The following SGPP2 variants were observed in gnomAD, a reference collection of about 807,000 sequenced individuals.
SGPP2 encodes sphingosine-1-phosphate phosphatase 2.
SGPP2 carries 30 observed loss-of-function variants against 33.9 expected under a neutral mutation model. That is an observed-to-expected ratio of 0.89 (90% CI 0.66 to 1.20). The LOEUF (loss-of-function observed/expected upper bound fraction) is 1.20. Ranked by LOEUF, SGPP2 falls within the 50% of genes most tolerant of loss-of-function variation. The probability of loss-of-function intolerance (pLI) is 0.00; values close to 1 mark genes in which losing one functional copy is unlikely to be tolerated. For missense variants in SGPP2, 458 were observed against 532.1 expected, an observed-to-expected ratio of 0.86 and a Z score of 1.37; for synonymous variants, 233 against 225.0, an observed-to-expected ratio of 1.04 and a Z score of -0.32.
intron 1 of SGPP2, among the ~76,000 whole-genome samples, chr2:222,442,676 G>C (rs1482009567): frequency 6.6e-6 from 1 of 152,186 alleles, no homozygotes; most frequent in Non-Finnish European, 1.5e-5. Flanking sequence ...TTTTGGCTAA[G>C]AATCTAAAAT....
chr2:222,535,055 G>A (rs763891057), intron 4 of SGPP2, among the ~76,000 whole-genome samples: 10 of 152,050 alleles, frequency 6.6e-5, no homozygotes, highest in Non-Finnish European at 1.2e-4. Flanking sequence ...CTTTCCCAAC[G>A]CTGTTCAAAA....
At chr2:222,547,288 C>T (rs1418625513) in intron 4 of SGPP2, among the ~76,000 whole-genome samples, 6 of 152,180 alleles carry the variant, frequency 3.9e-5, no homozygotes, top group East Asian at 1.9e-4. Flanking sequence ...TTGTCATTCT[C>T]GCAAGCTGCT....
chr2:222,561,496 G>T lies in SGPP2; in HGVS notation c.*2598G>T, dbSNP rs1051907627. On this transcript the variant is annotated 3_prime_UTR_variant, in exon 5 of 5. Coordinates refer to ENST00000321276, the MANE Select transcript of SGPP2 (RefSeq NM_152386.4). ...GATTGTGATCATTGTCACAGAGTGG[G>T]TGCTGGCCTCTCATATATATGATAT... Among the ~76,000 whole-genome samples, 15 of 149,866 alleles carry T rather than the reference G, an allele frequency of 1.0e-4. No homozygotes were observed. The highest frequency in any genetic ancestry group is 1.9e-4 in the Non-Finnish European group (13 of 67,636).
Position 222,485,355 on chromosome 2 carries a change from C to T in SGPP2, c.378+10629C>T, listed in dbSNP as rs574017816. ...AGTTCTCCATGCCTTGGTACTGGTG[C>T]GTCCCCTTCCCACCCCCGCATTTGA... On this transcript the variant is annotated intron_variant, in intron 2 of 4. Coordinates refer to ENST00000321276, the MANE Select transcript of SGPP2 (RefSeq NM_152386.4). 5.9e-5 allele frequency among the ~76,000 whole-genome samples: 9 copies of T among 152,300 alleles called. No homozygotes were observed. In the South Asian group the frequency reaches 8.3e-4, roughly 14 times the overall value.
At chr2:222,549,257 C>T (rs532010664) in intron 4 of SGPP2, among the ~76,000 whole-genome samples, 1 of 152,364 alleles carries the variant, frequency 6.6e-6, no homozygotes, top group South Asian at 2.1e-4. Flanking sequence ...CTTTCTTTCT[C>T]ACTAGCGCTA....
Position 222,508,318 on chromosome 2 carries a change from C to T in SGPP2, c.379-13449C>T, listed in dbSNP as rs146803828. 4.5e-3 allele frequency among the ~76,000 whole-genome samples: 691 copies of T among 152,246 alleles called. 5 individuals are homozygous for T. Among genetic ancestry groups the T allele is most frequent in the African/African-American group, 0.014 (596 of 41,548 alleles). ...GGTAGTGAGTTTGTGAGATGCTAGACGGCGTGGTGTGGTGAAACAATGATA... is the reference window on the plus strand; with the variant it reads ...GGTAGTGAGTTTGTGAGATGCTAGATGGCGTGGTGTGGTGAAACAATGATA... On this transcript the variant is annotated intron_variant, in intron 2 of 4. Coordinates refer to ENST00000321276, the MANE Select transcript of SGPP2 (RefSeq NM_152386.4).
chr2:222,445,000 C>T (rs1228089778), intron 1 of SGPP2, among the ~76,000 whole-genome samples: 1 of 152,166 alleles, frequency 6.6e-6, no homozygotes, highest in African/African-American at 2.4e-5. Context: ...CAGACCCCGA[C>T]CCAGGAGACA....
chr2:222,485,192 C>CGAG (rs1238258738), intron 2 of SGPP2, among the ~76,000 whole-genome samples: 14 of 152,224 alleles, frequency 9.2e-5, no homozygotes, highest in African/African-American at 3.4e-4. Context: ...AAACTTTACT[C>CGAG]TTCTCCCCAG....
At chr2:222,490,752 G>A (rs1213329044) in intron 2 of SGPP2, among the ~76,000 whole-genome samples, 1 of 151,932 alleles carries the variant, frequency 6.6e-6, no homozygotes, top group African/African-American at 2.4e-5. Context: ...GCAGTTATGT[G>A]CATTTGAACA....
At chr2:222,511,353 G>C (rs2106125526) in intron 2 of SGPP2, among the ~76,000 whole-genome samples, 1 of 152,328 alleles carries the variant, frequency 6.6e-6, no homozygotes, top group East Asian at 1.9e-4. Context: ...AGCAGAAGAA[G>C]AAAATAGGCT....
rs1033510568 is a variant in SGPP2, at chr2:222,465,221, A to C, written c.220-9347A>C. ...TGACTTTCAGTCTCGCCATCCTGAAATTTTAATCACCTGAGCGCTGCTTAG... is the reference window on the plus strand; with the variant it reads ...TGACTTTCAGTCTCGCCATCCTGAACTTTTAATCACCTGAGCGCTGCTTAG... On this transcript the variant is annotated intron_variant, in intron 1 of 4. Coordinates refer to ENST00000321276, the MANE Select transcript of SGPP2 (RefSeq NM_152386.4). This position sits in a 1 kb window ranked among gnomAD's most constrained non-coding sequence, Gnocchi z 4.1. Among the ~76,000 whole-genome samples, 1 of 152,198 alleles carries C rather than the reference A, an allele frequency of 6.6e-6. No homozygotes were observed. Among genetic ancestry groups the C allele is most frequent in the African/African-American group, 2.4e-5 (1 of 41,450 alleles).
At chr2:222,459,119 T>G (rs1444593061) in intron 1 of SGPP2, among the ~76,000 whole-genome samples, 1 of 144,188 alleles carries the variant, frequency 6.9e-6, no homozygotes, top group Non-Finnish European at 1.6e-5. Flanking sequence ...AAGACACACT[T>G]TTTTTTCTTT....
chr2:222,452,344 G>A (rs1697504196), intron 1 of SGPP2: 2 of 688,326 alleles, frequency 2.9e-6, no homozygotes, highest in East Asian at 5.6e-5. Flanking sequence ...GGAGGGGAGA[G>A]GAAGGATTCA....
intron 4 of SGPP2, among the ~76,000 whole-genome samples, chr2:222,532,033 G>A (rs560162949): frequency 6.6e-6 from 1 of 152,262 alleles, no homozygotes; most frequent in Non-Finnish European, 1.5e-5. Context: ...AGCACTTTGG[G>A]AGGCCGAGGC....
chr2:222,448,477 G>A (rs1447855140), intron 1 of SGPP2, among the ~76,000 whole-genome samples: 1 of 152,172 alleles, frequency 6.6e-6, no homozygotes, highest in Non-Finnish European at 1.5e-5. Flanking sequence ...CATAAACATG[G>A]GCAAGTTAGC....
intron 2 of SGPP2, among the ~76,000 whole-genome samples, chr2:222,511,338 T>C (rs1236650756): frequency 6.6e-6 from 1 of 152,194 alleles, no homozygotes; most frequent in Non-Finnish European, 1.5e-5. Context: ...TTATCCTGCA[T>C]TCAGAGCAGA....
At chr2:222,430,884 C>G (rs957611175) in intron 1 of SGPP2, among the ~76,000 whole-genome samples, 1 of 151,914 alleles carries the variant, frequency 6.6e-6, no homozygotes, top group Non-Finnish European at 1.5e-5. Context: ...TCAAGGTCAT[C>G]AGAAACAAGG....
chr2:222,470,245 C>A (rs956536194), intron 1 of SGPP2, among the ~76,000 whole-genome samples: 4 of 152,092 alleles, frequency 2.6e-5, no homozygotes, highest in Non-Finnish European at 5.9e-5. Context: ...AACAAACCTG[C>A]ACGATCTGCA....
chr2:222,524,864 A>G (rs1698733730), intron 3 of SGPP2, 80 bp from the exon 4 acceptor site: 3 of 1,120,868 alleles, frequency 2.7e-6, no homozygotes, highest in Non-Finnish European at 4.0e-6. Flanking sequence ...GCATTAATGA[A>G]TCCTATTCCC....
Sources: gnomAD v4.1 joint callset for allele counts (sites outside exome capture counted in the v4.1 genomes callset) on GRCh38, gnomAD v4.1.1 for gene constraint, Gnocchi (gnomAD v3.1) non-coding constraint, MANE v1.5 for transcripts, NCBI Gene and HGNC (gene_info 2026-07-23, HGNC 2026-07-21) for gene names.